Variants in OSBPL6 observed in about 807,000 individuals in gnomAD.
OSBPL6 encodes oxysterol-binding protein-related protein 6.
In OSBPL6, 49 loss-of-function variants were observed where a neutral mutation model predicts 125.8. That is an observed-to-expected ratio of 0.39 (90% confidence interval 0.31 to 0.49). OSBPL6 has a LOEUF of 0.49. Ranked by LOEUF, OSBPL6 falls within the 20% of genes least tolerant of loss-of-function variation. OSBPL6 has a pLI of 0.88. For missense variants in OSBPL6, 986 were observed against 1,135.4 expected (o/e 0.87, Z 1.89); for synonymous variants, 394 against 391.8 (o/e 1.01, Z -0.07).
intron 3 of OSBPL6, among the ~76,000 whole-genome samples, chr2:178,320,800 C>T (rs948619707): frequency 6.6e-6 from 1 of 152,186 alleles, no homozygotes; most frequent in African/African-American, 2.4e-5. Context: ...CTAGATTTTC[C>T]TGTTTTAAAA....
Position 178,332,739 on chromosome 2 carries a change from C to T in OSBPL6, c.471C>T (p.His157=), listed in dbSNP as rs753904117. The change falls in exon 7 of 25, where the codon CAC becomes CAT. Residue 157 remains histidine (H), a synonymous_variant. Coordinates refer to ENST00000190611, the MANE Select transcript of OSBPL6 (RefSeq NM_032523.4). ...ARRIDLDTEE[H]IYHLKVKSQD... ...GAATAGACCTTGACACCGAAGAGCA[C>T]ATCTATCATTTGAAGGTGAAATCAG... 1.2e-6 allele frequency: 2 copies of T among 1,613,880 alleles called. No homozygotes were observed. The highest frequency in any genetic ancestry group is 1.1e-5 in the South Asian group (1 of 91,070).
At chr2:178,312,497 C>T (rs562812877) in intron 3 of OSBPL6, among the ~76,000 whole-genome samples, 1 of 151,784 alleles carries the variant, frequency 6.6e-6, no homozygotes, top group African/African-American at 2.4e-5. Flanking sequence ...GCTTTGTTGC[C>T]CAGGCTGGAG....
chr2:178,283,959 C>G (rs1684459156), intron 1 of OSBPL6, among the ~76,000 whole-genome samples: 1 of 152,148 alleles, frequency 6.6e-6, no homozygotes, highest in Admixed American at 6.5e-5. Context: ...AGACACCTCC[C>G]ACCAGGCCTC....
At chr2:178,305,200 A>G (rs1327436997) in intron 2 of OSBPL6, among the ~76,000 whole-genome samples, 1 of 152,216 alleles carries the variant, frequency 6.6e-6, no homozygotes, top group East Asian at 1.9e-4. Context: ...TTAATTGTCT[A>G]TCTTTTGGGA....
chr2:178,375,005 C>A (rs1693732650), intron 15 of OSBPL6, among the ~76,000 whole-genome samples: 1 of 152,144 alleles, frequency 6.6e-6, no homozygotes, highest in Admixed American at 6.5e-5. Context: ...CCAAGGCATG[C>A]ATTAACAGGT....
intron 1 of OSBPL6, among the ~76,000 whole-genome samples, chr2:178,235,178 T>A (rs1301778537): frequency 6.6e-6 from 1 of 152,138 alleles, no homozygotes; most frequent in African/African-American, 2.4e-5. Context: ...TCCCAGTTAA[T>A]GTTCATAAAT....
chr2:178,344,996 T>C (rs899825645), intron 11 of OSBPL6, among the ~76,000 whole-genome samples: 4 of 152,072 alleles, frequency 2.6e-5, no homozygotes, highest in Non-Finnish European at 1.5e-5. Context: ...TTTTTTTTTC[T>C]GAGAGAAAAT....
intron 1 of OSBPL6, among the ~76,000 whole-genome samples, chr2:178,277,204 T>G (rs945839135): frequency 3.3e-5 from 5 of 152,248 alleles, no homozygotes; most frequent in African/African-American, 9.6e-5. Context: ...TTTATGCAAT[T>G]TTATTCAACT....
chr2:178,286,137 C>A (rs1440251220), intron 2 of OSBPL6, among the ~76,000 whole-genome samples: 1 of 152,144 alleles, frequency 6.6e-6, no homozygotes, highest in Non-Finnish European at 1.5e-5. Context: ...TAAAAATTTT[C>A]TTTTTATAAG....
Position 178,266,187 on chromosome 2 carries a change from G to T in OSBPL6, c.-350-18740G>T, listed in dbSNP as rs982202192. The stretch of plus-strand genomic sequence containing the variant: ...AGGGGCAGATCACACTGAGATTCAC[G>T]GGGCATGCTGGGGATTCTGGTCTCA... On this transcript the variant is annotated intron_variant, in intron 1 of 24. Coordinates refer to ENST00000190611, the MANE Select transcript of OSBPL6 (RefSeq NM_032523.4). Among the ~76,000 whole-genome samples the T allele has an allele frequency of 4.6e-5, 7 of 152,296 alleles. No homozygotes were observed. In the South Asian group the frequency reaches 1.2e-3, roughly 27 times the overall value.
chr2:178,381,601 C>T (rs1339927136), intron 15 of OSBPL6, among the ~76,000 whole-genome samples: 4 of 152,136 alleles, frequency 2.6e-5, no homozygotes, highest in Admixed American at 2.0e-4. Context: ...GATCTGCCTG[C>T]CTCAGCCTCC....
At chr2:178,377,532 G>A (rs1693993419) in intron 15 of OSBPL6, among the ~76,000 whole-genome samples, 1 of 152,146 alleles carries the variant, frequency 6.6e-6, no homozygotes. Context: ...GGCTCCTCAC[G>A]CCTTCACACT....
intron 22 of OSBPL6, 143 bp from the exon 23 acceptor site, chr2:178,392,264 CAATTT>C: frequency 2.2e-6 from 2 of 892,802 alleles, no homozygotes; most frequent in Non-Finnish European, 3.3e-6. Context: ...GGAATACCAC[CAATTT>C]AATTCACTTG....
At position 178,334,453 on chromosome 2, in the gene OSBPL6, G is replaced by A. The variant is rs532350751; in HGVS notation, c.657+1412G>A. Among the ~76,000 whole-genome samples the A allele has an allele frequency of 2.0e-5, 3 of 152,236 alleles. No individual in the cohort carries two copies. In the East Asian group the frequency reaches 5.8e-4, roughly 29 times the overall value. On this transcript the variant is annotated intron_variant, in intron 8 of 24. Coordinates refer to ENST00000190611, the MANE Select transcript of OSBPL6 (RefSeq NM_032523.4). ...TATATTCAGTTTTTGTTATTTTAAT[G>A]GCAGTTTTTGATAGATCCTATTAAC...
intron 1 of OSBPL6, among the ~76,000 whole-genome samples, chr2:178,254,037 A>G (rs773001727): frequency 1.8e-4 from 28 of 152,170 alleles, no homozygotes; most frequent in Non-Finnish European, 3.7e-4. Context: ...CCCCACCAGC[A>G]AGAAGGCCCT....
intron 1 of OSBPL6, among the ~76,000 whole-genome samples, chr2:178,242,600 T>C (rs2091334689): frequency 1.3e-5 from 2 of 152,214 alleles, no homozygotes; most frequent in Non-Finnish European, 1.5e-5. Flanking sequence ...ATTTGAATTG[T>C]GATACTTTAG....
chr2:178,287,156 A>ATTTTTT (rs1684778146), intron 2 of OSBPL6, among the ~76,000 whole-genome samples: 3 of 149,942 alleles, frequency 2.0e-5, no homozygotes, highest in African/African-American at 7.6e-5. Context: ...TTTTAAAAAA[A>ATTTTTT]AAAAAAAAAA....
At chr2:178,254,536 A>G (rs536323525) in intron 1 of OSBPL6, among the ~76,000 whole-genome samples, 35 of 152,218 alleles carry the variant, frequency 2.3e-4, no homozygotes, top group South Asian at 4.1e-4. Flanking sequence ...TAGTATTACA[A>G]TGTTTGAAAT....
intron 1 of OSBPL6, among the ~76,000 whole-genome samples, chr2:178,205,682 G>T (rs556923902): frequency 6.6e-6 from 1 of 152,124 alleles, no homozygotes; most frequent in Admixed American, 6.5e-5. Context: ...GATATTTCCC[G>T]TATATATGCC....
Sources: gnomAD v4.1 joint callset for allele counts (sites outside exome capture counted in the v4.1 genomes callset) on GRCh38, gnomAD v4.1.1 for gene constraint, MANE v1.5 for transcripts, NCBI Gene and HGNC (gene_info 2026-07-23, HGNC 2026-07-21) for gene names.